SORCS1: variants seen among roughly 807,000 people sequenced by gnomAD.
SORCS1 encodes the protein VPS10 domain-containing receptor SorCS1.
Under a neutral mutation model 146.1 loss-of-function variants are expected in SORCS1, and 60 were observed. The ratio of observed to expected loss-of-function variants is 0.41; its 90% CI spans 0.33 to 0.51. The LOEUF is 0.51. SORCS1 is among the 20% of genes least tolerant of loss of function. SORCS1 has a pLI of 0.21. For synonymous variants in SORCS1, 637 were observed against 584.0 expected (o/e 1.09, Z -1.31); for missense variants, 1,352 against 1,487.6 (o/e 0.91, Z 1.50).
chr10:106,613,973 G>T, intron 21 of SORCS1, among the ~76,000 whole-genome samples: 1 of 151,688 alleles, frequency 6.6e-6, no homozygotes, highest in East Asian at 1.9e-4. Flanking sequence ...ACCTCAGGTA[G>T]CCTCCCTTCC....
Position 106,852,913 on chromosome 10 carries a change from A to G in SORCS1, c.627-23240T>C, listed in dbSNP as rs1341412057. 5.3e-5 allele frequency among the ~76,000 whole-genome samples: 8 copies of G among 152,244 alleles called. No homozygotes were observed. The East Asian group carries it at 1.2e-3, about 22-fold the overall frequency. ...TTTGCATCTTTGTTCATGAGAGATA[A>G]TTGTCTGTAAGTTTGCTTTTTTCTC... On this transcript the variant is annotated intron_variant, in intron 2 of 25. Transcript: ENST00000263054.
Position 106,960,777 on chromosome 10 carries a change from A to G in SORCS1, c.559-4197T>C, listed in dbSNP as rs113200494. 0.028 allele frequency among the ~76,000 whole-genome samples: 4,304 copies of G among 152,226 alleles called. 143 individuals are homozygous for G. The highest frequency in any genetic ancestry group is 0.08 in the African/African-American group (3,328 of 41,512). On this transcript the variant is annotated intron_variant, in intron 1 of 25. Transcript: ENST00000263054. This position sits in a 1 kb window ranked among gnomAD's most constrained non-coding sequence, Gnocchi z 4.4. ...TCAAATCACCCATTCCTTGGAGGGTAGAAGGGTGCCAGAAACAGTGCCAGG... is the reference window on the plus strand; with the variant it reads ...TCAAATCACCCATTCCTTGGAGGGTGGAAGGGTGCCAGAAACAGTGCCAGG...
intron 1 of SORCS1, among the ~76,000 whole-genome samples, chr10:106,982,715 T>A (rs971706824): frequency 1.6e-4 from 25 of 152,184 alleles, no homozygotes; most frequent in Admixed American, 1.4e-3. Context: ...ACAGCCAGGA[T>A]GATTAAGTAT....
At chr10:107,021,513 C>CAAAAAAAAAAAA (rs869141427) in intron 1 of SORCS1, among the ~76,000 whole-genome samples, 1 of 68,594 alleles carries the variant, frequency 1.5e-5, no homozygotes, top group African/African-American at 5.8e-5. Context: ...CACTCCGTCT[C>CAAAAAAAAAAAA]AAAAAAAAAA....
intron 18 of SORCS1, among the ~76,000 whole-genome samples, chr10:106,646,230 G>C (rs755750248): frequency 1.3e-5 from 2 of 151,916 alleles, no homozygotes; most frequent in Non-Finnish European, 2.9e-5. Context: ...TTCAGTCTGG[G>C]TGACAAAGGT....
At chr10:106,891,517 T>TTTTTTTTTTTTTTA (rs1589645055) in intron 2 of SORCS1, among the ~76,000 whole-genome samples, 1 of 149,442 alleles carries the variant, frequency 6.7e-6, no homozygotes, top group African/African-American at 2.5e-5. Context: ...TTTTTTTTTT[T>TTTTTTTTTTTTTTA]GAGAAAAGAC....
intron 18 of SORCS1, among the ~76,000 whole-genome samples, chr10:106,642,520 TAAG>T (rs1213394697): frequency 6.6e-6 from 1 of 152,142 alleles, no homozygotes; most frequent in African/African-American, 2.4e-5. Flanking sequence ...CAAATTCAAA[TAAG>T]AAATGCACTC....
chr10:107,000,233 T>C (rs1041024757), intron 1 of SORCS1, among the ~76,000 whole-genome samples: 4 of 152,218 alleles, frequency 2.6e-5, no homozygotes, highest in African/African-American at 9.6e-5. Flanking sequence ...GCAGTTGATG[T>C]CAAAGTGGTC....
intron 1 of SORCS1, among the ~76,000 whole-genome samples, chr10:107,006,870 T>C (rs1025253194): frequency 1.4e-4 from 22 of 152,278 alleles, no homozygotes; most frequent in Admixed American, 1.4e-3. Context: ...TGCAGATTCT[T>C]CTATTATTCT....
chr10:106,687,766 C>T (rs1263204559), intron 10 of SORCS1, among the ~76,000 whole-genome samples: 1 of 151,690 alleles, frequency 6.6e-6, no homozygotes, highest in Non-Finnish European at 1.5e-5. Flanking sequence ...TATGATTAAA[C>T]ATCTCCACAA....
chr10:106,724,271 G>A (rs562147375), intron 6 of SORCS1, among the ~76,000 whole-genome samples: 46 of 152,252 alleles, frequency 3.0e-4, no homozygotes, highest in African/African-American at 1.0e-3. Context: ...CACTTTGGGA[G>A]GCCGAGGCGG....
intron 2 of SORCS1, among the ~76,000 whole-genome samples, chr10:106,920,710 G>A (rs532516017): frequency 2.0e-5 from 3 of 152,326 alleles, no homozygotes; most frequent in Admixed American, 2.0e-4. Flanking sequence ...TGGCTGGGAG[G>A]TTTCCAGCAC....
In SORCS1 at chr10:106,607,127, G is replaced by A. The variant is rs777111439; in HGVS notation, c.3165+39C>T. ...TTAGAAAGTTGAAGACTCCACAAACGGTTGAAGCTGAAAACGTCTCCTTTT... is the reference window on the plus strand; with the variant it reads ...TTAGAAAGTTGAAGACTCCACAAACAGTTGAAGCTGAAAACGTCTCCTTTT... On this transcript the variant is annotated intron_variant, in intron 23 of 25. Transcript: ENST00000263054. The A allele has an allele frequency of 2.5e-5, 40 of 1,608,552 alleles. No individual in the cohort carries two copies. In the South Asian group the frequency reaches 2.9e-4, roughly 12 times the overall value.
At chr10:106,868,886 A>G (rs2137546873) in intron 2 of SORCS1, among the ~76,000 whole-genome samples, 1 of 152,336 alleles carries the variant, frequency 6.6e-6, no homozygotes, top group South Asian at 2.1e-4. Flanking sequence ...TATTCAAAAG[A>G]TCAATGAGTC....
chr10:107,078,983 T>C (rs867103257), intron 1 of SORCS1, among the ~76,000 whole-genome samples: 1 of 152,194 alleles, frequency 6.6e-6, no homozygotes, highest in Admixed American at 6.5e-5. Context: ...CCCAGCACTT[T>C]GGGAGGCCAA....
rs553032484 is a variant in SORCS1 at position 107,034,680 on chromosome 10, C to CAAAAAAAAAAAAAAAAAAA, written c.559-78119_559-78101dup. On this transcript the variant is annotated intron_variant, in intron 1 of 25. Transcript: ENST00000263054. Reference sequence around the variant, plus strand: ...GGGAAACATGAGCGAAACTCCATCTCAAAAAAAAAAAAAAAAAAAAAAAAA... The same window carrying CAAAAAAAAAAAAAAAAAAA: ...GGGAAACATGAGCGAAACTCCATCTCAAAAAAAAAAAAAAAAAAAAAAAAAAAAAAAAAAAAAAAAAAAA... Among the ~76,000 whole-genome samples, 30 of 13,794 alleles carry CAAAAAAAAAAAAAAAAAAA rather than the reference C, an allele frequency of 2.2e-3. 3 individuals are homozygous for CAAAAAAAAAAAAAAAAAAA. The highest frequency in any genetic ancestry group is 6.9e-3 in the South Asian group (1 of 144). 9.0% of individuals were successfully genotyped at this position (13,794 alleles called of 152,430 possible). A position where few individuals can be genotyped will look rare whatever the true frequency, so the allele number is the denominator to read the frequency against.
rs181417898 is a variant in SORCS1 at position 107,030,673 on chromosome 10, G to A, written c.559-74093C>T. 4.6e-5 allele frequency among the ~76,000 whole-genome samples: 7 copies of A among 152,290 alleles called. No individual in the cohort carries two copies. In the East Asian group the frequency reaches 1.3e-3, roughly 29 times the overall value. The stretch of plus-strand genomic sequence containing the variant: ...GCAAAACTCACTTGATTTTGAACAG[G>A]AATAAAACTTTTCTCAATTAATACA... On this transcript the variant is annotated intron_variant, in intron 1 of 25. Coordinates refer to ENST00000263054, the MANE Select transcript of SORCS1 (RefSeq NM_052918.5).
chr10:106,699,280 G>C lies in SORCS1; in HGVS notation c.1347C>G (p.Thr449=). 1 of 1,614,020 alleles carries C rather than the reference G, an allele frequency of 6.2e-7. No homozygotes were observed. The highest frequency in any genetic ancestry group is 8.5e-7 in the Non-Finnish European group (1 of 1,179,922). Residue 449 remains threonine, a synonymous_variant, in exon 9 of 26, where the codon ACC becomes ACG. Transcript: ENST00000263054. The part of the protein sequence containing the change: ...YISDTRGVYF[T]LALENVQSSR... The stretch of plus-strand genomic sequence containing the variant: ...TGCTCTGGACATTCTCCAAGGCCAG[G>C]GTGAAGTAGACACCACGTGTGTCTG...
intron 2 of SORCS1, among the ~76,000 whole-genome samples, chr10:106,953,587 G>A (rs960859831): frequency 6.6e-6 from 1 of 151,958 alleles, no homozygotes; most frequent in Non-Finnish European, 1.5e-5. Flanking sequence ...CATGACCTTA[G>A]GTGAGTTTCT....
Sources: allele counts gnomAD v4.1 joint callset (sites outside exome capture counted in the v4.1 genomes callset), GRCh38; gene constraint gnomAD v4.1.1; non-coding constraint Gnocchi (gnomAD v3.1); transcripts MANE v1.5; gene names NCBI Gene and HGNC (gene_info 2026-07-23, HGNC 2026-07-21).